The following ATXN7 variants were observed in gnomAD, a reference collection of about 807,000 sequenced individuals.
ATXN7 encodes ataxin 7, also known as ataxin-7.
In ATXN7, 12 loss-of-function variants were observed where a neutral mutation model predicts 70.5. The observed-to-expected ratio is 0.17, with a 90% CI of 0.11 to 0.28. The LOEUF (loss-of-function observed/expected upper bound fraction) is 0.28, where lower values mean the gene tolerates loss of function less well. Ranked by LOEUF, ATXN7 falls within the 10% of genes least tolerant of loss-of-function variation. The pLI is 1.00. For synonymous variants in ATXN7, 498 were observed against 448.7 expected (o/e 1.11, Z -1.39); for missense variants, 1,256 against 1,131.7 (o/e 1.11, Z -1.58).
chr3:63,944,790 TTTTGTTTG>T (rs140332509), intron 4 of ATXN7, among the ~76,000 whole-genome samples: 1 of 152,018 alleles, frequency 6.6e-6, no homozygotes, highest in African/African-American at 2.4e-5. Flanking sequence ...GGTTTTTGTT[TTTTGTTTG>T]TTTGTTTGTT....
chr3:63,941,643 C>A (rs2074770741), intron 4 of ATXN7, among the ~76,000 whole-genome samples: 1 of 151,946 alleles, frequency 6.6e-6, no homozygotes, highest in Admixed American at 6.6e-5. Context: ...TTCTTTAAAT[C>A]TAGTATTTAT....
At chr3:63,984,050 G>T (rs192425385) in intron 8 of ATXN7, among the ~76,000 whole-genome samples, 24 of 152,262 alleles carry the variant, frequency 1.6e-4, no homozygotes, top group Non-Finnish European at 2.9e-4. Flanking sequence ...GCCCCAGCCA[G>T]TGGAGGCATG....
chr3:63,966,842 C>T (rs2075232259), intron 5 of ATXN7, among the ~76,000 whole-genome samples: 1 of 152,120 alleles, frequency 6.6e-6, no homozygotes, highest in African/African-American at 2.4e-5. Context: ...GAATCTTTTG[C>T]TGCTTCTTTT....
chr3:63,927,456 CTAA>C (rs1704762750), intron 4 of ATXN7, among the ~76,000 whole-genome samples: 1 of 152,190 alleles, frequency 6.6e-6, no homozygotes, highest in African/African-American at 2.4e-5. Flanking sequence ...AGACCACCCA[CTAA>C]TAATAATTCT....
At chr3:63,915,067 C>G (rs1472196657) in intron 4 of ATXN7, among the ~76,000 whole-genome samples, 1 of 152,112 alleles carries the variant, frequency 6.6e-6, no homozygotes, top group Non-Finnish European at 1.5e-5. Context: ...TCCCGAGTAG[C>G]TGGGACTGCA....
chr3:63,990,722 A>ATG lies in ATXN7; in HGVS notation c.1561-14_1561-13dup, dbSNP rs1354771997. 4 of 1,614,014 alleles carry ATG rather than the reference A, an allele frequency of 2.5e-6. No individual in the cohort carries two copies. In the African/African-American group the frequency reaches 4.0e-5, roughly 16 times the overall value. ...TGTGGGAGTCAGCAAGCACGCGGCT[A>ATG]TGTTTTCTCTTGCAGTTTTGCACAT... On this transcript the variant is annotated splice_polypyrimidine_tract_variant and intron_variant, in intron 10 of 12. Transcript: ENST00000674280.
chr3:63,868,476 A>G (rs1702500282), intron 1 of ATXN7, among the ~76,000 whole-genome samples: 1 of 152,252 alleles, frequency 6.6e-6, no homozygotes, highest in Non-Finnish European at 1.5e-5. Flanking sequence ...GGAAACATGT[A>G]TATTCATGGT....
chr3:63,976,798 CAG>C (rs922240970), intron 5 of ATXN7, among the ~76,000 whole-genome samples: 1 of 152,122 alleles, frequency 6.6e-6, no homozygotes, highest in Non-Finnish European at 1.5e-5. Flanking sequence ...ATTGGGAAAA[CAG>C]GGTTATGGCA....
intron 12 of ATXN7, chr3:63,996,731 A>G: frequency 1.9e-6 from 1 of 514,606 alleles, no homozygotes; most frequent in Non-Finnish European, 3.4e-6. Flanking sequence ...AACTACAGTA[A>G]TGCATTTTTA....
Position 63,995,491 on chromosome 3 carries a change from C to G in ATXN7, c.1683-14C>G. The G allele has an allele frequency of 3.1e-6, 5 of 1,613,580 alleles. No individual in the cohort carries two copies. The highest frequency in any genetic ancestry group is 3.4e-6 in the Non-Finnish European group (4 of 1,179,572). ...TGTGGTCAGTGTCATTCACTGTCCT[C>G]TAATTTTTTTCAGGAAAATCCCACC... On this transcript the variant is annotated splice_polypyrimidine_tract_variant and intron_variant, in intron 11 of 12. Transcript: ENST00000674280.
At chr3:63,899,576 AG>A in intron 2 of ATXN7, among the ~76,000 whole-genome samples, 1 of 151,794 alleles carries the variant, frequency 6.6e-6, no homozygotes, top group South Asian at 2.1e-4. Context: ...GTTTGAGACC[AG>A]TCTGGCCAAC....
At position 63,996,257 on chromosome 3, in the gene ATXN7, A is replaced by C. The variant is rs145456263; in HGVS notation, c.2435A>C (p.Asn812Thr). The C allele has an allele frequency of 1.8e-4, 290 of 1,614,160 alleles. No individual in the cohort carries two copies. The highest frequency in any genetic ancestry group is 2.4e-4 in the Non-Finnish European group (282 of 1,180,022). ...LSLGPFIHQSNELPVNSHGSF... is the reference protein window; with the variant it reads ...LSLGPFIHQSTELPVNSHGSF... ...CTTGGGCCATTCATTCACCAGTCCA[A>C]TGAACTGCCTGTCAACTCCCACGGC... The change falls in exon 12 of 13, where the codon AAT becomes ACT. Residue 812 changes from asparagine (N) to threonine (T), a missense_variant. By Grantham distance (65) the Asn-to-Thr change is moderately conservative. Transcript: ENST00000674280.
intron 5 of ATXN7, among the ~76,000 whole-genome samples, chr3:63,958,338 TACTC>T (rs2075070884): frequency 6.6e-6 from 1 of 152,200 alleles, no homozygotes; most frequent in African/African-American, 2.4e-5. Context: ...TATGAGAAAT[TACTC>T]ATACTTTTTT....
At chr3:63,920,368 A>G (rs1704459592) in intron 4 of ATXN7, among the ~76,000 whole-genome samples, 1 of 152,176 alleles carries the variant, frequency 6.6e-6, no homozygotes, top group African/African-American at 2.4e-5. Context: ...AGATGAGGAA[A>G]CTACGACTCA....
Position 63,996,487 on chromosome 3 carries a change from G to C in ATXN7, c.2661+4G>C. The C allele has an allele frequency of 6.2e-7, 1 of 1,613,378 alleles. No individual in the cohort carries two copies. The highest frequency in any genetic ancestry group is 1.7e-4 in the Middle Eastern group (1 of 6,060). On this transcript the variant is annotated splice_donor_region_variant and intron_variant, in intron 12 of 12. Coordinates refer to ENST00000674280, the MANE Select transcript of ATXN7 (RefSeq NM_001377405.1). ...GAACAGTTCCCTCCTTCATCAGGTA[G>C]GAAATGGACTGTGAGCCCCATGGGA...
chr3:63,921,752 C>G (rs142724787), intron 4 of ATXN7, among the ~76,000 whole-genome samples: 1 of 152,042 alleles, frequency 6.6e-6, no homozygotes, highest in Non-Finnish European at 1.5e-5. Flanking sequence ...TGAAGGAAAC[C>G]GCATAGCTTT....
intron 4 of ATXN7, among the ~76,000 whole-genome samples, chr3:63,927,092 G>A (rs1211432497): frequency 6.6e-6 from 1 of 152,194 alleles, no homozygotes; most frequent in Non-Finnish European, 1.5e-5. Flanking sequence ...GGTTCCAAGT[G>A]TTGCTATTGT....
intron 4 of ATXN7, among the ~76,000 whole-genome samples, chr3:63,936,308 G>T (rs2074662252): frequency 6.6e-6 from 1 of 152,010 alleles, no homozygotes; most frequent in Non-Finnish European, 1.5e-5. Context: ...TCACCTGGTT[G>T]AAACAGCCAT....
At chr3:63,998,321 C>T (rs2075792961) in intron 12 of ATXN7, 1 of 985,154 alleles carries the variant, frequency 1.0e-6, no homozygotes, top group Non-Finnish European at 1.2e-6. Context: ...CAGATCTGGA[C>T]TTGCATGTGA....
Sources: allele counts gnomAD v4.1 joint callset (sites outside exome capture counted in the v4.1 genomes callset), GRCh38; gene constraint gnomAD v4.1.1; transcripts MANE v1.5; gene names NCBI Gene and HGNC (gene_info 2026-07-23, HGNC 2026-07-21).